The following GRM7 variants were observed in gnomAD, a reference collection of about 807,000 sequenced individuals.
GRM7 encodes the protein glutamate metabotropic receptor 7.
In GRM7, 35 loss-of-function variants were observed where a neutral mutation model predicts 84.5. The ratio of observed to expected loss-of-function variants is 0.41; its 90% CI spans 0.32 to 0.55. The LOEUF (loss-of-function observed/expected upper bound fraction) is 0.55, where lower values mean the gene tolerates loss of function less well. GRM7 is among the 20% of genes least tolerant of loss of function. The pLI, the probability that GRM7 is intolerant of heterozygous loss-of-function variation, is 0.19. For synonymous variants in GRM7, 487 were observed against 455.1 expected (o/e 1.07, Z -0.89); for missense variants, 1,003 against 1,194.6 (o/e 0.84, Z 2.36).
chr3:7,042,501 G>C (rs966365752), intron 1 of GRM7, among the ~76,000 whole-genome samples: 1 of 149,708 alleles, frequency 6.7e-6, no homozygotes, highest in Non-Finnish European at 1.5e-5. Context: ...CACTCATTCT[G>C]TTTGCTTGTT....
chr3:7,237,612 G>A (rs1355029231), intron 2 of GRM7, among the ~76,000 whole-genome samples: 1 of 152,140 alleles, frequency 6.6e-6, no homozygotes, highest in East Asian at 1.9e-4. Context: ...GGCTTCAGGA[G>A]TGAAGCCGCA....
At chr3:7,425,515 G>T (rs940576368) in intron 5 of GRM7, among the ~76,000 whole-genome samples, 1 of 152,092 alleles carries the variant, frequency 6.6e-6, no homozygotes, top group Non-Finnish European at 1.5e-5. Flanking sequence ...AGCAGATGGT[G>T]GAGACTGAAA....
chr3:7,489,332 A>G (rs911228821), intron 7 of GRM7, among the ~76,000 whole-genome samples: 7 of 152,170 alleles, frequency 4.6e-5, no homozygotes, highest in African/African-American at 1.2e-4. Flanking sequence ...ATATGTTGAA[A>G]CCAGTTTACA....
chr3:7,614,135 C>T (rs1247616627), intron 8 of GRM7, among the ~76,000 whole-genome samples: 1 of 152,004 alleles, frequency 6.6e-6, no homozygotes, highest in South Asian at 2.1e-4. Context: ...CATGGTGGTG[C>T]GTACCTGTAA....
intron 2 of GRM7, among the ~76,000 whole-genome samples, chr3:7,235,600 G>C (rs1250611718): frequency 6.6e-6 from 1 of 152,144 alleles, no homozygotes; most frequent in African/African-American, 2.4e-5. Flanking sequence ...ACGGAGAGTG[G>C]CAGCACATTC....
At chr3:7,309,616 G>T (rs544621297) in intron 4 of GRM7, among the ~76,000 whole-genome samples, 5 of 151,980 alleles carry the variant, frequency 3.3e-5, no homozygotes, top group Admixed American at 6.6e-5. Context: ...ATTTTCGGCC[G>T]GCATTTTTCT....
At chr3:7,530,334 A>G (rs1235695304) in intron 7 of GRM7, among the ~76,000 whole-genome samples, 2 of 152,098 alleles carry the variant, frequency 1.3e-5, no homozygotes, top group African/African-American at 2.4e-5. Context: ...TTCTTTATCC[A>G]GTCTATCATT....
At chr3:7,215,361 T>C (rs938351497) in intron 2 of GRM7, among the ~76,000 whole-genome samples, 1 of 152,096 alleles carries the variant, frequency 6.6e-6, no homozygotes, top group Admixed American at 6.5e-5. Flanking sequence ...TTTGAAGTGA[T>C]ATTAAAAATA....
At chr3:7,602,821 A>G (rs1014429899) in intron 8 of GRM7, among the ~76,000 whole-genome samples, 1 of 152,172 alleles carries the variant, frequency 6.6e-6, no homozygotes, top group African/African-American at 2.4e-5. Context: ...CGTCTTGTAT[A>G]AAATCAGGAG....
chr3:7,582,721 C>G (rs553364260), intron 8 of GRM7, among the ~76,000 whole-genome samples: 1 of 152,178 alleles, frequency 6.6e-6, no homozygotes, highest in East Asian at 1.9e-4. Flanking sequence ...CACTAAATGA[C>G]CAAATTGGGG....
intron 8 of GRM7, among the ~76,000 whole-genome samples, chr3:7,650,371 T>G (rs1698876404): frequency 6.6e-6 from 1 of 152,216 alleles, no homozygotes; most frequent in South Asian, 2.1e-4. Context: ...TCTTATGCTG[T>G]GCAGGAATTA....
chr3:7,433,032 A>G (rs895185583), intron 5 of GRM7, among the ~76,000 whole-genome samples: 3 of 152,322 alleles, frequency 2.0e-5, no homozygotes, highest in South Asian at 4.1e-4. Flanking sequence ...GACTATGCCA[A>G]CCAGAATTAA....
chr3:7,013,478 T>TG (rs567107543), intron 1 of GRM7, among the ~76,000 whole-genome samples: 129 of 152,290 alleles, frequency 8.5e-4, no homozygotes, highest in Admixed American at 1.5e-3. Flanking sequence ...GCTCTCTTCA[T>TG]GAAAAAACAA....
At chr3:7,554,151 T>C (rs983976369) in intron 7 of GRM7, among the ~76,000 whole-genome samples, 1 of 152,236 alleles carries the variant, frequency 6.6e-6, no homozygotes, top group Non-Finnish European at 1.5e-5. Flanking sequence ...TCTAATTCCA[T>C]AGAAATACCT....
At chr3:7,278,544 TTTAA>T (rs1251176360) in intron 2 of GRM7, among the ~76,000 whole-genome samples, 3 of 152,174 alleles carry the variant, frequency 2.0e-5, no homozygotes, top group Non-Finnish European at 2.9e-5. Context: ...TCATTCATTA[TTTAA>T]TTGATAGGTG....
chr3:7,496,436 A>G (rs1038333012), intron 7 of GRM7, among the ~76,000 whole-genome samples: 2 of 152,154 alleles, frequency 1.3e-5, no homozygotes, highest in Admixed American at 1.3e-4. Context: ...GAGCCTATAT[A>G]TTTTTTAAAA....
At chr3:7,681,518 A>G (rs1419391970) in intron 9 of GRM7, 3 of 152,238 alleles carry the variant, frequency 2.0e-5, no homozygotes, top group African/African-American at 7.2e-5. Context: ...ATATGTAGAC[A>G]AAGTAACAAG....
intron 1 of GRM7, among the ~76,000 whole-genome samples, chr3:7,117,191 C>A (rs1693065003): frequency 6.6e-6 from 1 of 152,128 alleles, no homozygotes; most frequent in African/African-American, 2.4e-5. Context: ...AAGAGCCAGG[C>A]CGTTTAATCT....
At chr3:7,301,648 C>A (rs1323419573) in intron 3 of GRM7, among the ~76,000 whole-genome samples, 1 of 143,180 alleles carries the variant, frequency 7.0e-6, no homozygotes, top group Non-Finnish European at 1.6e-5. Context: ...AATAATTATA[C>A]CCATTCTTTT....
Sources: gnomAD v4.1 joint callset for allele counts (sites outside exome capture counted in the v4.1 genomes callset) on GRCh38, gnomAD v4.1.1 for gene constraint, MANE v1.5 for transcripts, NCBI Gene and HGNC (gene_info 2026-07-23, HGNC 2026-07-21) for gene names.